The following TMEM217 variants were observed in gnomAD, a reference collection of about 807,000 sequenced individuals.
TMEM217 encodes the protein transmembrane protein 217.
For missense variants in TMEM217, 204 were observed against 248.8 expected, an observed-to-expected ratio of 0.82 and a Z score of 1.21; for synonymous variants, 76 against 88.3, an observed-to-expected ratio of 0.86 and a Z score of 0.78.
At chr6:37,227,429 CT>C (rs1332915646) in intron 1 of TMEM217, among the ~76,000 whole-genome samples, 2 of 152,086 alleles carry the variant, frequency 1.3e-5, no homozygotes, top group Non-Finnish European at 2.9e-5. Flanking sequence ...CTTGATTGCT[CT>C]AAGCGAAGGT....
chr6:37,213,050 A>G, downstream of TMEM217: 1 of 1,203,764 alleles, frequency 8.3e-7, no homozygotes. Context: ...GTAGCCTTAG[A>G]CAAATCCCCC....
At chr6:37,228,885 T>G (rs2113847712) in intron 1 of TMEM217, among the ~76,000 whole-genome samples, 1 of 150,768 alleles carries the variant, frequency 6.6e-6, no homozygotes, top group Middle Eastern at 3.5e-3. Context: ...TAGTCCCAGC[T>G]ACTCAGGAGG....
chr6:37,226,281 CTTTTTTTTTTTTTTTT>C (rs755752365), intron 1 of TMEM217, among the ~76,000 whole-genome samples: 5 of 74,892 alleles, frequency 6.7e-5, no homozygotes, highest in South Asian at 4.9e-4. Context: ...TTGAGACAGT[CTTTTTTTTTTTTTTTT>C]TTTTTTTTTT....
At chr6:37,253,797 T>C (rs955903255) in intron 1 of TMEM217, among the ~76,000 whole-genome samples, 1 of 152,208 alleles carries the variant, frequency 6.6e-6, no homozygotes, top group Admixed American at 6.5e-5. Flanking sequence ...TGAAGTGACT[T>C]TCCTCCTATA....
At chr6:37,224,433 C>T (rs1763699403) in intron 1 of TMEM217, among the ~76,000 whole-genome samples, 1 of 150,214 alleles carries the variant, frequency 6.7e-6, no homozygotes, top group African/African-American at 2.4e-5. Flanking sequence ...CCTGTCTCTA[C>T]TAAAAATACA....
chr6:37,248,181 T>C (rs1469930207), intron 1 of TMEM217, among the ~76,000 whole-genome samples: 2 of 152,164 alleles, frequency 1.3e-5, no homozygotes, highest in Admixed American at 6.5e-5. Flanking sequence ...TACACCTCCA[T>C]TTTTATCACT....
In TMEM217 at chr6:37,236,249, G is replaced by A. The variant is rs895444957; in HGVS notation, c.-11-17208C>T. On this transcript the variant is annotated intron_variant, in intron 1 of 1. Transcript: ENST00000357219. ...TGATTCTCCCACCTCTGCCTCCCAC[G>A]AGTGCTAGGATTACAGGCATGAGCC... is the stretch of plus-strand genomic sequence containing the variant. 7.2e-4 allele frequency among the ~76,000 whole-genome samples: 110 copies of A among 151,928 alleles called. 1 individual carries two copies. Among genetic ancestry groups the A allele is most frequent in the African/African-American group, 2.5e-3 (104 of 41,340 alleles).
At chr6:37,213,112 G>C (rs1363603472), downstream of TMEM217, 39 of 725,432 alleles carry the variant, frequency 5.4e-5, no homozygotes, top group Non-Finnish European at 8.9e-5. Context: ...TGTGTGGACA[G>C]GCAATAGGCT....
At chr6:37,241,099 C>CT (rs74398542) in intron 1 of TMEM217, among the ~76,000 whole-genome samples, 13,472 of 132,850 alleles carry the variant, frequency 0.1, 1,551 homozygotes, top group African/African-American at 0.27. Flanking sequence ...AAGTATTACT[C>CT]TTTTTTTTTT....
chr6:37,252,607 GTATGTGTGTGTATA>G (rs1193058927), intron 1 of TMEM217, among the ~76,000 whole-genome samples: 9 of 35,864 alleles, frequency 2.5e-4, no homozygotes, highest in African/African-American at 4.9e-4. Flanking sequence ...GTGTGTGTGT[GTATGTGTGTGTATA>G]TATATATATA....
At chr6:37,248,865 C>A (rs1765237734) in intron 1 of TMEM217, among the ~76,000 whole-genome samples, 1 of 152,156 alleles carries the variant, frequency 6.6e-6, no homozygotes. Flanking sequence ...GAAATTTGTT[C>A]TCTTAAGGTT....
chr6:37,228,146 A>C (rs1238861455), intron 1 of TMEM217, among the ~76,000 whole-genome samples: 3 of 152,176 alleles, frequency 2.0e-5, no homozygotes, highest in African/African-American at 7.2e-5. Flanking sequence ...CTATAGTCCC[A>C]ACTACTTGAG....
At chr6:37,249,451 C>T (rs1030984183) in intron 1 of TMEM217, among the ~76,000 whole-genome samples, 6 of 152,220 alleles carry the variant, frequency 3.9e-5, no homozygotes, top group Admixed American at 2.6e-4. Context: ...TCCCAAGTAG[C>T]TGGGACTATA....
At position 37,230,683 on chromosome 6, in the gene TMEM217, C is replaced by G. The variant is rs556039562; in HGVS notation, c.-11-11642G>C. Among the ~76,000 whole-genome samples, 3 of 152,182 alleles carry G rather than the reference C, an allele frequency of 2.0e-5. No individual in the cohort carries two copies. In the East Asian group the frequency reaches 5.8e-4, roughly 29 times the overall value. ...ACACCTTGATCTCAGAATTCAAGAACTGTGAGAAAATTAATTTCTGTTGTT... is the reference window on the plus strand; with the variant it reads ...ACACCTTGATCTCAGAATTCAAGAAGTGTGAGAAAATTAATTTCTGTTGTT... On this transcript the variant is annotated intron_variant, in intron 1 of 1. Coordinates refer to ENST00000357219, the Ensembl canonical transcript of TMEM217.
Position 37,233,089 on chromosome 6 carries a change from G to A in TMEM217, c.-11-14048C>T, listed in dbSNP as rs1461561962. ...TGGAGCTTTAGTTGACATACTCAAC[G>A]AGAATGCCTCCATTTGGGAGCTCTT... On this transcript the variant is annotated intron_variant, in intron 1 of 1. Transcript: ENST00000357219. Among the ~76,000 whole-genome samples, 5 of 152,264 alleles carry A rather than the reference G, an allele frequency of 3.3e-5. No homozygotes were observed. The South Asian group carries it at 6.2e-4, about 19-fold the overall frequency.
At chr6:37,228,773 G>A (rs1041635260) in intron 1 of TMEM217, among the ~76,000 whole-genome samples, 1 of 151,864 alleles carries the variant, frequency 6.6e-6, no homozygotes, top group Non-Finnish European at 1.5e-5. Context: ...CGAGGCAGGC[G>A]GATCACAAGG....
intron 1 of TMEM217, among the ~76,000 whole-genome samples, chr6:37,240,096 T>G (rs1764688609): frequency 6.6e-6 from 1 of 152,156 alleles, no homozygotes; most frequent in Admixed American, 6.5e-5. Context: ...TTTAAAGCCT[T>G]TAAGTATGTG....
At chr6:37,246,844 A>C (rs1389844378) in intron 1 of TMEM217, among the ~76,000 whole-genome samples, 3 of 151,724 alleles carry the variant, frequency 2.0e-5, no homozygotes, top group African/African-American at 7.3e-5. Flanking sequence ...TCAAGGCCGC[A>C]GTGAGCCATG....
intron 1 of TMEM217, among the ~76,000 whole-genome samples, chr6:37,240,062 C>T (rs1234639645): frequency 2.0e-5 from 3 of 152,058 alleles, no homozygotes; most frequent in Non-Finnish European, 2.9e-5. Flanking sequence ...TAAGAAGAGG[C>T]GAGACAGAAA....
Sources: gnomAD v4.1 joint callset for allele counts (sites outside exome capture counted in the v4.1 genomes callset) on GRCh38, gnomAD v4.1.1 for gene constraint, MANE v1.5 for transcripts, NCBI Gene and HGNC (gene_info 2026-07-23, HGNC 2026-07-21) for gene names.